The following SMAD5 variants were observed in gnomAD, a reference collection of about 807,000 sequenced individuals.
The protein encoded by SMAD5 is MAD, mothers against decapentaplegic homolog 5.
SMAD5 carries 9 observed loss-of-function variants against 43.1 expected under a neutral mutation model. The ratio of observed to expected loss-of-function variants is 0.21; its 90% CI spans 0.13 to 0.36. The LOEUF (loss-of-function observed/expected upper bound fraction) is 0.36, where lower values mean the gene tolerates loss of function less well. Among genes scored for constraint, SMAD5 ranks in the 10% least tolerant of loss-of-function variants. The probability of loss-of-function intolerance (pLI) is 1.00; values close to 1 mark genes in which losing one functional copy is unlikely to be tolerated. For missense variants in SMAD5, 348 were observed against 574.0 expected (o/e 0.61, Z 4.02); for synonymous variants, 190 against 192.4 (o/e 0.99, Z 0.10).
intron 3 of SMAD5, among the ~76,000 whole-genome samples, chr5:136,157,577 A>G (rs1256012437): frequency 6.6e-6 from 1 of 152,216 alleles, no homozygotes; most frequent in Non-Finnish European, 1.5e-5. Context: ...GATGGGAGAC[A>G]GTGACAGATC....
At chr5:136,152,711 ATTGAACTCC>A (rs1190292612) in intron 2 of SMAD5, 2 of 152,260 alleles carry the variant, frequency 1.3e-5, no homozygotes, top group Non-Finnish European at 2.9e-5. Context: ...ACTGGACGTG[ATTGAACTCC>A]TGGGCTCAAG....
chr5:136,179,091 A>ATATAGACT lies in SMAD5; in HGVS notation c.*1612_*1619dup, dbSNP rs1480330134. The ATATAGACT allele has an allele frequency of 6.6e-6, 1 of 152,218 alleles. No homozygotes were observed. Among genetic ancestry groups the ATATAGACT allele is most frequent in the African/African-American group, 2.4e-5 (1 of 41,442 alleles). 9.4% of individuals were successfully genotyped at this position (152,218 alleles called of 1,614,324 possible). ...AAACAAAACACTCACCCATCAACGA[A>ATATAGACT]TATAGACTCTTCTCTCATTTATCGA... On this transcript the variant is annotated 3_prime_UTR_variant, in exon 8 of 8. Coordinates refer to ENST00000545279, the MANE Select transcript of SMAD5 (RefSeq NM_005903.7).
Position 136,165,682 on chromosome 5 carries a change from T to A in SMAD5, c.775+2291T>A, listed in dbSNP as rs1003537204. The stretch of plus-strand genomic sequence containing the variant: ...ATACAATTTTTTTTTTTTTTTTTTT[T>A]TTTTTTTTTTTTTTTTTGTGACTGG... On this transcript the variant is annotated intron_variant, in intron 5 of 7. Coordinates refer to ENST00000545279, the MANE Select transcript of SMAD5 (RefSeq NM_005903.7). 2.6e-3 allele frequency among the ~76,000 whole-genome samples: 369 copies of A among 142,476 alleles called. 9 individuals carry two copies. Among genetic ancestry groups the A allele is most frequent in the African/African-American group, 3.6e-3 (137 of 38,590 alleles). 93.5% of individuals were successfully genotyped at this position (142,476 alleles called of 152,430 possible). A position where few individuals can be genotyped will look rare whatever the true frequency, so the allele number is the denominator to read the frequency against.
rs750922071 is a variant in SMAD5, at chr5:136,172,621, G to A, written c.963G>A (p.Ser321=). Reference sequence around the variant, plus strand: ...TGTTGTCAAATGTTAATCGTAATTCGACAATTGAAAACACTAGGCGACATA... The same window carrying A: ...TGTTGTCAAATGTTAATCGTAATTCAACAATTGAAAACACTAGGCGACATA... The part of the protein sequence containing the change: ...LGLLSNVNRN[S]TIENTRRHIG... The change falls in exon 6 of 8, where the codon TCG becomes TCA. Residue 321 remains serine, a synonymous_variant. Coordinates refer to ENST00000545279, the MANE Select transcript of SMAD5 (RefSeq NM_005903.7). 11 of 1,611,556 alleles carry A rather than the reference G, an allele frequency of 6.8e-6. 1 individual carries two copies. In the South Asian group the frequency reaches 8.8e-5, roughly 13 times the overall value.
chr5:136,174,997 A>G (rs1754363665), intron 7 of SMAD5, among the ~76,000 whole-genome samples: 1 of 152,216 alleles, frequency 6.6e-6, no homozygotes, highest in African/African-American at 2.4e-5. Flanking sequence ...AGGTTTAATG[A>G]ACTCACAGTT....
chr5:136,180,174 A>G lies in SMAD5; in HGVS notation c.*2694A>G, dbSNP rs760198871. The G allele has an allele frequency of 3.9e-5, 6 of 152,212 alleles. No individual in the cohort carries two copies. The highest frequency in any genetic ancestry group is 7.4e-5 in the Non-Finnish European group (5 of 68,006). The allele number at this position is 152,212 out of a possible 1,614,324, so 9.4% of individuals were successfully genotyped here. A position where few individuals can be genotyped will look rare whatever the true frequency, so the allele number is the denominator to read the frequency against. On this transcript the variant is annotated 3_prime_UTR_variant, in exon 8 of 8. Transcript: ENST00000545279. ...TCTTACAGTCCCTAAGGATTTTCATATATCTATGTATAGGAGATAAAATTT... is the reference window on the plus strand; with the variant it reads ...TCTTACAGTCCCTAAGGATTTTCATGTATCTATGTATAGGAGATAAAATTT...
intron 2 of SMAD5, among the ~76,000 whole-genome samples, chr5:136,149,518 T>C (rs1172820469): frequency 2.0e-5 from 3 of 151,550 alleles, no homozygotes; most frequent in Admixed American, 2.0e-4. Flanking sequence ...TTCTGGTAGG[T>C]ACCGAGTGAG....
intron 5 of SMAD5, among the ~76,000 whole-genome samples, chr5:136,169,569 A>C (rs1754143023): frequency 6.6e-6 from 1 of 152,234 alleles, no homozygotes; most frequent in South Asian, 2.1e-4. Context: ...AGCAATTATG[A>C]GTAAAGCTGG....
At chr5:136,165,659 AC>A (rs1753974728) in intron 5 of SMAD5, among the ~76,000 whole-genome samples, 1 of 121,026 alleles carries the variant, frequency 8.3e-6, no homozygotes, top group African/African-American at 3.2e-5. Flanking sequence ...ATGGAATCAT[AC>A]AATTTTTTTT....
chr5:136,145,138 A>G (rs1022292703), intron 1 of SMAD5, among the ~76,000 whole-genome samples: 1 of 151,590 alleles, frequency 6.6e-6, no homozygotes, highest in African/African-American at 2.4e-5. Flanking sequence ...ACCTCATAAC[A>G]TAACATTAAC....
intron 6 of SMAD5, among the ~76,000 whole-genome samples, chr5:136,174,007 GT>G (rs1241482680): frequency 6.6e-6 from 1 of 150,610 alleles, no homozygotes; most frequent in Non-Finnish European, 1.5e-5. Flanking sequence ...TCAAATGACT[GT>G]TTATGATAGT....
chr5:136,177,157 G>T (rs1187689670), intron 7 of SMAD5, among the ~76,000 whole-genome samples, 180 bp from the exon 8 acceptor site: 2 of 152,162 alleles, frequency 1.3e-5, no homozygotes, highest in Non-Finnish European at 2.9e-5. Context: ...TTTAAATAAT[G>T]TAGCTGTTGT....
At chr5:136,167,935 C>T (rs1043239432) in intron 5 of SMAD5, among the ~76,000 whole-genome samples, 2 of 151,858 alleles carry the variant, frequency 1.3e-5, no homozygotes, top group Non-Finnish European at 2.9e-5. Context: ...CGGCACAATT[C>T]GCTCACAGTT....
intron 1 of SMAD5, among the ~76,000 whole-genome samples, chr5:136,137,287 T>G (rs1163140842): frequency 7.7e-6 from 1 of 129,262 alleles, no homozygotes; most frequent in African/African-American, 3.2e-5. Context: ...CCCGCATCTC[T>G]TCCTATAGCA....
At chr5:136,135,983 A>T (rs1168376204) in intron 1 of SMAD5, among the ~76,000 whole-genome samples, 1 of 152,226 alleles carries the variant, frequency 6.6e-6, no homozygotes, top group South Asian at 2.1e-4. Context: ...ATTGAGTAAG[A>T]TTCCCTTTTA....
rs1211894457 is a variant in SMAD5, at chr5:136,177,320, T to C, written c.1255-17T>C. On this transcript the variant is annotated splice_polypyrimidine_tract_variant and intron_variant, in intron 7 of 7. Coordinates refer to ENST00000545279, the MANE Select transcript of SMAD5 (RefSeq NM_005903.7). ...GTTTAAAGAGGGATTTGTGATGATA[T>C]CTGTTCATTTTCATAGGGTTGGGGA... 3 of 1,612,710 alleles carry C rather than the reference T, an allele frequency of 1.9e-6. No individual in the cohort carries two copies. The highest frequency in any genetic ancestry group is 1.3e-5 in the African/African-American group (1 of 74,908).
chr5:136,155,447 G>T (rs1263739070), intron 3 of SMAD5, among the ~76,000 whole-genome samples: 1 of 152,088 alleles, frequency 6.6e-6, no homozygotes, highest in Non-Finnish European at 1.5e-5. Context: ...GTCCTAATTG[G>T]TCTTTCTGCG....
At chr5:136,138,622 G>C (rs1380084473) in intron 1 of SMAD5, among the ~76,000 whole-genome samples, 1 of 152,116 alleles carries the variant, frequency 6.6e-6, no homozygotes, top group East Asian at 1.9e-4. Context: ...GACACTTGGT[G>C]ACTACTATTG....
At chr5:136,177,113 A>G (rs1754447263) in intron 7 of SMAD5, among the ~76,000 whole-genome samples, 1 of 152,194 alleles carries the variant, frequency 6.6e-6, no homozygotes, top group African/African-American at 2.4e-5. Context: ...GTTTCTTTTA[A>G]GGGAATTATA....
Sources: allele counts gnomAD v4.1 joint callset (sites outside exome capture counted in the v4.1 genomes callset), GRCh38; gene constraint gnomAD v4.1.1; transcripts MANE v1.5; gene names NCBI Gene and HGNC (gene_info 2026-07-23, HGNC 2026-07-21).